SHLD2: variants seen among roughly 807,000 people sequenced by gnomAD.
SHLD2 encodes shieldin complex subunit 2.
Under a neutral mutation model 73.2 loss-of-function variants are expected in SHLD2, and 30 were observed. The ratio of observed to expected loss-of-function variants is 0.41; its 90% CI spans 0.31 to 0.56. The LOEUF is 0.56. SHLD2 is among the 20% of genes least tolerant of loss of function. SHLD2 has a pLI of 0.28. For missense variants in SHLD2, 745 were observed against 1,055.9 expected (o/e 0.71, Z 4.08); for synonymous variants, 285 against 370.1 (o/e 0.77, Z 2.64).
At chr10:87,131,060 C>T (rs1844393444) in intron 2 of SHLD2, among the ~76,000 whole-genome samples, 1 of 151,758 alleles carries the variant, frequency 6.6e-6, no homozygotes, top group Non-Finnish European at 1.5e-5. Flanking sequence ...GAATGAGACC[C>T]CATCTCAAAA....
At chr10:87,159,780 C>A (rs970865013) in intron 4 of SHLD2, among the ~76,000 whole-genome samples, 1 of 151,990 alleles carries the variant, frequency 6.6e-6, no homozygotes, top group African/African-American at 2.4e-5. Context: ...AACTAGGTAG[C>A]CTTTATTGGG....
chr10:87,109,148 C>CTTTA (rs1842775856), intron 2 of SHLD2, among the ~76,000 whole-genome samples: 1 of 152,242 alleles, frequency 6.6e-6, no homozygotes, highest in East Asian at 1.9e-4. Context: ...GCTATTATGC[C>CTTTA]TTTAGCAAGG....
At chr10:87,131,151 T>TC (rs985702158) in intron 2 of SHLD2, among the ~76,000 whole-genome samples, 86 of 152,200 alleles carry the variant, frequency 5.7e-4, no homozygotes, top group African/African-American at 2.0e-3. Flanking sequence ...ATATGTATGT[T>TC]CCATCTTCTC....
chr10:87,150,564 C>A (rs1845938804), intron 2 of SHLD2, among the ~76,000 whole-genome samples: 1 of 151,240 alleles, frequency 6.6e-6, no homozygotes, highest in Admixed American at 6.6e-5. Flanking sequence ...AGTTTGAGAC[C>A]AGCCTGGCCG....
chr10:87,144,065 G>A (rs1486209343), intron 2 of SHLD2, among the ~76,000 whole-genome samples: 4 of 151,874 alleles, frequency 2.6e-5, no homozygotes, highest in African/African-American at 4.8e-5. Context: ...GGGTTTCGTC[G>A]TGTTAGCCAG....
At chr10:87,173,454 TTAAAAA>T (rs1395372926) in intron 6 of SHLD2, among the ~76,000 whole-genome samples, 5 of 151,994 alleles carry the variant, frequency 3.3e-5, no homozygotes, top group African/African-American at 1.2e-4. Flanking sequence ...TATTTTATAA[TTAAAAA>T]TAAAATTAAA....
chr10:87,153,357 G>C (rs1846150395), intron 3 of SHLD2, among the ~76,000 whole-genome samples: 1 of 152,200 alleles, frequency 6.6e-6, no homozygotes, highest in African/African-American at 2.4e-5. Context: ...AGTGAGCTTT[G>C]ATTGGGCCAC....
chr10:87,143,713 T>A (rs1845370114), intron 2 of SHLD2, among the ~76,000 whole-genome samples: 1 of 152,038 alleles, frequency 6.6e-6, no homozygotes, highest in Non-Finnish European at 1.5e-5. Flanking sequence ...GTTTATATGG[T>A]TCTTAACTAG....
intron 2 of SHLD2, among the ~76,000 whole-genome samples, chr10:87,121,377 G>A (rs1447236429): frequency 2.6e-5 from 4 of 152,062 alleles, no homozygotes; most frequent in Non-Finnish European, 4.4e-5. Flanking sequence ...CACCAGCCTC[G>A]GCCTCACAGT....
intron 4 of SHLD2, among the ~76,000 whole-genome samples, chr10:87,164,472 C>T (rs1385191891): frequency 2.6e-5 from 4 of 151,544 alleles, no homozygotes; most frequent in African/African-American, 9.7e-5. Flanking sequence ...TGGCTGGTCT[C>T]GGACTCCTGG....
At chr10:87,145,521 A>C (rs1845540827) in intron 2 of SHLD2, among the ~76,000 whole-genome samples, 2 of 151,858 alleles carry the variant, frequency 1.3e-5, no homozygotes, top group South Asian at 4.2e-4. Context: ...GAGCAACTTT[A>C]TGATTTTTTT....
intron 4 of SHLD2, among the ~76,000 whole-genome samples, chr10:87,162,825 A>T (rs1846916791): frequency 6.6e-6 from 1 of 152,214 alleles, no homozygotes; most frequent in Non-Finnish European, 1.5e-5. Flanking sequence ...AAAAAAGCAC[A>T]TTCTGTTGGC....
At chr10:87,150,138 C>CACTGCA (rs577064902) in intron 2 of SHLD2, among the ~76,000 whole-genome samples, 84 of 148,232 alleles carry the variant, frequency 5.7e-4, no homozygotes, top group African/African-American at 2.0e-3. Flanking sequence ...GATCTTGGCT[C>CACTGCA]ACTGCAACCT....
chr10:87,140,182 C>A (rs1440415681), intron 2 of SHLD2, among the ~76,000 whole-genome samples: 2 of 151,666 alleles, frequency 1.3e-5, no homozygotes, highest in African/African-American at 4.8e-5. Flanking sequence ...ACTTTGGGGG[C>A]CGAGAGGGGT....
upstream of SHLD2, chr10:87,094,496 G>T: frequency 6.2e-7 from 1 of 1,613,534 alleles, no homozygotes; most frequent in Non-Finnish European, 8.5e-7. This position sits in a 1 kb window ranked among gnomAD's most constrained non-coding sequence, Gnocchi z 6.6. Context: ...TCGCTCTCCC[G>T]GGTCCTCAGG....
intron 8 of SHLD2, among the ~76,000 whole-genome samples, chr10:87,185,967 C>A (rs1473368415): frequency 2.0e-5 from 3 of 152,078 alleles, no homozygotes; most frequent in Non-Finnish European, 2.9e-5. Flanking sequence ...CCTTGGCATC[C>A]CAAAGCGCTG....
At chr10:87,111,400 G>A (rs1842910116) in intron 2 of SHLD2, among the ~76,000 whole-genome samples, 1 of 152,022 alleles carries the variant, frequency 6.6e-6, no homozygotes, top group African/African-American at 2.4e-5. Flanking sequence ...CAACACTTTG[G>A]GAGGCCGAAG....
intron 8 of SHLD2, among the ~76,000 whole-genome samples, chr10:87,181,400 A>G (rs1848306828): frequency 6.6e-6 from 1 of 151,972 alleles, no homozygotes; most frequent in African/African-American, 2.4e-5. Flanking sequence ...TCAAAACAAA[A>G]AATGCATGGT....
At chr10:87,119,237 T>A (rs1843439003) in intron 2 of SHLD2, among the ~76,000 whole-genome samples, 1 of 151,822 alleles carries the variant, frequency 6.6e-6, no homozygotes, top group Admixed American at 6.6e-5. Flanking sequence ...ACTGACATAA[T>A]AAGCAAAACC....
Sources: allele counts gnomAD v4.1 joint callset (sites outside exome capture counted in the v4.1 genomes callset), GRCh38; gene constraint gnomAD v4.1.1; non-coding constraint Gnocchi (gnomAD v3.1); transcripts MANE v1.5; gene names NCBI Gene and HGNC (gene_info 2026-07-23, HGNC 2026-07-21).